Variants in PHTF2 observed in about 807,000 individuals in gnomAD.
PHTF2 encodes protein PHTF2.
PHTF2 carries 60 observed loss-of-function variants against 101.2 expected under a neutral mutation model. That is an observed-to-expected ratio of 0.59 (90% CI 0.48 to 0.73). The LOEUF is 0.73. Among genes scored for constraint, PHTF2 ranks in the 30% least tolerant of loss-of-function variants. PHTF2 has a pLI of 0.00. For missense variants in PHTF2, 747 were observed against 908.7 expected (o/e 0.82, Z 2.29); for synonymous variants, 311 against 307.3 (o/e 1.01, Z -0.13).
chr7:77,865,472 A>G (rs1387578567), intron 3 of PHTF2, among the ~76,000 whole-genome samples: 2 of 152,082 alleles, frequency 1.3e-5, no homozygotes, highest in Non-Finnish European at 2.9e-5. Context: ...TGTTCCACCC[A>G]GCGCAGCCTC....
intron 12 of PHTF2, among the ~76,000 whole-genome samples, chr7:77,930,323 A>G (rs1229184382): frequency 6.6e-6 from 1 of 152,154 alleles, no homozygotes; most frequent in Non-Finnish European, 1.5e-5. Flanking sequence ...GCACGATTTT[A>G]TAGGATATCT....
chr7:77,811,042 C>T (rs1407266392), intron 1 of PHTF2, among the ~76,000 whole-genome samples: 3 of 151,958 alleles, frequency 2.0e-5, no homozygotes, highest in African/African-American at 7.3e-5. Context: ...TAGCTGGGAC[C>T]AGACTCCCAC....
At chr7:77,859,376 T>C (rs1182326337) in intron 3 of PHTF2, among the ~76,000 whole-genome samples, 1 of 152,188 alleles carries the variant, frequency 6.6e-6, no homozygotes, top group East Asian at 1.9e-4. Context: ...TATTTCCATC[T>C]GTGTAGCTGT....
intron 2 of PHTF2, among the ~76,000 whole-genome samples, chr7:77,846,481 T>C (rs1438915676): frequency 1.3e-5 from 2 of 152,082 alleles, no homozygotes; most frequent in African/African-American, 4.8e-5. Context: ...AAATAGAGGG[T>C]TGCCTTCCTG....
In PHTF2 at chr7:77,873,939, T is replaced by C. The variant is rs186585508; in HGVS notation, c.147+19105T>C. Reference sequence around the variant, plus strand: ...GCTATTTCTCTAGGGGAGATAAGACTCTCACCCAGGGCAATCTTAGCAGAT... The same window carrying C: ...GCTATTTCTCTAGGGGAGATAAGACCCTCACCCAGGGCAATCTTAGCAGAT... On this transcript the variant is annotated intron_variant, in intron 3 of 19. Coordinates refer to ENST00000416283, the Ensembl canonical transcript of PHTF2. Among the ~76,000 whole-genome samples the C allele has an allele frequency of 3.9e-5, 6 of 152,332 alleles. No homozygotes were observed. The East Asian group carries it at 9.6e-4, about 24-fold the overall frequency.
chr7:77,809,701 C>A (rs551288300), intron 1 of PHTF2, among the ~76,000 whole-genome samples: 2 of 152,264 alleles, frequency 1.3e-5, no homozygotes, highest in South Asian at 4.1e-4. Flanking sequence ...ACTGAAAATA[C>A]TACTATGATC....
intron 10 of PHTF2, among the ~76,000 whole-genome samples, chr7:77,921,162 T>G (rs1803425013): frequency 6.6e-6 from 1 of 152,262 alleles, no homozygotes; most frequent in African/African-American, 2.4e-5. Context: ...ATCTTGTTTT[T>G]CCTGCATTCA....
chr7:77,913,764 C>T (rs1391614776), intron 9 of PHTF2, among the ~76,000 whole-genome samples: 2 of 152,086 alleles, frequency 1.3e-5, no homozygotes, highest in African/African-American at 4.8e-5. Context: ...AAATCTTTAA[C>T]TTTCACTTTA....
At chr7:77,870,831 A>C (rs977583056) in intron 3 of PHTF2, among the ~76,000 whole-genome samples, 1 of 152,206 alleles carries the variant, frequency 6.6e-6, no homozygotes, top group South Asian at 2.1e-4. Flanking sequence ...AAATGCACCA[A>C]TCCCCATTCC....
chr7:77,915,331 G>C (rs860231), intron 9 of PHTF2, among the ~76,000 whole-genome samples: 9 of 150,386 alleles, frequency 6.0e-5, no homozygotes, highest in East Asian at 3.9e-4. Context: ...TGATTCTTCT[G>C]CCTCAGCCTC....
intron 5 of PHTF2, among the ~76,000 whole-genome samples, chr7:77,895,016 G>A (rs1273224942): frequency 2.0e-5 from 3 of 152,122 alleles, no homozygotes; most frequent in African/African-American, 7.2e-5. Context: ...AACAACAGGG[G>A]AGATATTGGA....
chr7:77,880,395 G>T (rs891115792), intron 3 of PHTF2, among the ~76,000 whole-genome samples: 3 of 152,048 alleles, frequency 2.0e-5, no homozygotes, highest in African/African-American at 7.3e-5. Context: ...TCCCATCTTA[G>T]CTGCCATCCC....
In PHTF2 at chr7:77,941,946, TTC is replaced by T. The variant is rs1351705001; in HGVS notation, c.1873-751_1873-750del. ...TTTATAATGCCCTTTATGATCTAAGTTCTCCCTTATTCACCTGTCTTTTGTTT... is the reference window on the plus strand; with the variant it reads ...TTTATAATGCCCTTTATGATCTAAGTTCCCTTATTCACCTGTCTTTTGTTT... On this transcript the variant is annotated intron_variant, in intron 15 of 19. Transcript: ENST00000416283. 7.9e-5 allele frequency among the ~76,000 whole-genome samples: 12 copies of T among 152,334 alleles called. No individual in the cohort carries two copies. The South Asian group carries it at 2.5e-3, about 32-fold the overall frequency.
chr7:77,927,898 G>A (rs1040381059), intron 11 of PHTF2, among the ~76,000 whole-genome samples: 2 of 152,170 alleles, frequency 1.3e-5, no homozygotes, highest in African/African-American at 4.8e-5. Context: ...TCAAAAAGTA[G>A]CACATATGAA....
chr7:77,863,996 G>C (rs1344531075), intron 3 of PHTF2, among the ~76,000 whole-genome samples: 1 of 151,960 alleles, frequency 6.6e-6, no homozygotes, highest in Non-Finnish European at 1.5e-5. Flanking sequence ...CCCAGGCTGG[G>C]CTCAAACTCC....
intron 16 of PHTF2, among the ~76,000 whole-genome samples, chr7:77,948,614 A>G (rs1806284686): frequency 6.6e-6 from 1 of 152,180 alleles, no homozygotes; most frequent in Admixed American, 6.5e-5. Context: ...ACATACTAGA[A>G]AAAAAGTGGA....
rs141793432 is a variant in PHTF2, at chr7:77,845,954, C to T, written c.45+5654C>T. ...AGACCAGAGCACCATCAGATGTGTC[C>T]GTCTGCCTCTTTTTTTCCTATTGCT... On this transcript the variant is annotated intron_variant, in intron 2 of 19. Coordinates refer to ENST00000416283, the Ensembl canonical transcript of PHTF2. 2.4e-4 allele frequency among the ~76,000 whole-genome samples: 36 copies of T among 152,256 alleles called. 1 individual carries two copies. The East Asian group carries it at 5.2e-3, about 22-fold the overall frequency.
Position 77,873,490 on chromosome 7 carries a change from C to T in PHTF2, c.147+18656C>T, listed in dbSNP as rs369057769. 5.3e-5 allele frequency among the ~76,000 whole-genome samples: 8 copies of T among 152,246 alleles called. No individual in the cohort carries two copies. The East Asian group carries it at 9.6e-4, about 18-fold the overall frequency. On this transcript the variant is annotated intron_variant, in intron 3 of 19. Coordinates refer to ENST00000416283, the Ensembl canonical transcript of PHTF2. ...TCTAGGGGCCGGCTGGGACTTTAGTCTAGTTATAGTTCTAGAAGCAAACAG... is the reference window on the plus strand; with the variant it reads ...TCTAGGGGCCGGCTGGGACTTTAGTTTAGTTATAGTTCTAGAAGCAAACAG...
At chr7:77,885,588 G>A (rs1413743016) in intron 3 of PHTF2, among the ~76,000 whole-genome samples, 1 of 152,036 alleles carries the variant, frequency 6.6e-6, no homozygotes, top group African/African-American at 2.4e-5. Context: ...GGAACTACAG[G>A]CGCCCACCAC....
Sources: allele counts gnomAD v4.1 joint callset (sites outside exome capture counted in the v4.1 genomes callset), GRCh38; gene constraint gnomAD v4.1.1; transcripts MANE v1.5; gene names NCBI Gene and HGNC (gene_info 2026-07-23, HGNC 2026-07-21).